The following MUC5B variants were observed in gnomAD, a reference collection of about 807,000 sequenced individuals.
MUC5B encodes mucin-5B.
A neutral mutation model predicts 376.9 loss-of-function variants in MUC5B; 116 were observed. That is an observed-to-expected ratio of 0.31 (90% CI 0.26 to 0.36). The LOEUF is 0.36. Ranked by LOEUF, MUC5B falls within the 10% of genes least tolerant of loss-of-function variation. MUC5B has a pLI of 1.00. For missense variants in MUC5B, 7,165 were observed against 7,769.9 expected, an observed-to-expected ratio of 0.92 and a Z score of 2.93; for synonymous variants, 3,517 against 3,390.9, an observed-to-expected ratio of 1.04 and a Z score of -1.29.
In MUC5B at chr11:1,229,831, C is replaced by T. The variant is rs537162886; in HGVS notation, c.1220+24C>T. The stretch of plus-strand genomic sequence containing the variant: ...TGGTACTTATGAGCCCACCAGCCTC[C>T]GCCTGGGGTGGGGTGTGGAGCTCCT... On this transcript the variant is annotated intron_variant, in intron 10 of 48. Transcript: ENST00000529681. 303 of 1,570,664 alleles carry T rather than the reference C, an allele frequency of 1.9e-4. 2 individuals are homozygous for T. Among genetic ancestry groups the T allele is most frequent in the South Asian group, 1.2e-3 (101 of 86,352 alleles).
chr11:1,233,931 C>T, intron 19 of MUC5B, 83 bp downstream of exon 19: 1 of 1,381,698 alleles, frequency 7.2e-7, no homozygotes, highest in Non-Finnish European at 1.0e-6. Context: ...CCCACCCTGC[C>T]CCACCCCACC....
Position 1,255,374 on chromosome 11 carries a change from G to A in MUC5B, c.15891-9G>A. 2.5e-6 allele frequency: 4 copies of A among 1,584,828 alleles called. No individual in the cohort carries two copies. Among genetic ancestry groups the A allele is most frequent in the Non-Finnish European group, 3.4e-6 (4 of 1,162,372 alleles). On this transcript the variant is annotated splice_polypyrimidine_tract_variant and intron_variant, in intron 36 of 48. Transcript: ENST00000529681. The stretch of plus-strand genomic sequence containing the variant: ...GGGGGCCCTCCGTCCTGATCGCTTT[G>A]CCCCACAGGGTCTTTGCTGAGTGCC...
Position 1,258,444 on chromosome 11 carries a change from C to T in MUC5B, c.16593+77C>T. 1.3e-6 allele frequency: 2 copies of T among 1,532,706 alleles called. No individual in the cohort carries two copies. Among genetic ancestry groups the T allele is most frequent in the Non-Finnish European group, 8.9e-7 (1 of 1,125,812 alleles). The allele number at this position is 1,532,706 out of a possible 1,614,324, so 94.9% of individuals were successfully genotyped here. ...GGGATGCCCCGGGGCTCTCTGAGCC[C>T]CACTCCTTGTCTTGACATTCCTGCC... On this transcript the variant is annotated intron_variant, in intron 43 of 48. Coordinates refer to ENST00000529681, the MANE Select transcript of MUC5B (RefSeq NM_002458.3). The surrounding 1 kb of genome is among the most constrained non-coding windows in gnomAD (Gnocchi z 5.5).
rs376283990 is a variant in MUC5B at position 1,230,986 on chromosome 11, G to A, written c.1521G>A (p.Thr507=). ...GCGTGTTCCTCAACTCCATCTACAC[G>A]CAGCTGCCCCTGTCGGCAGGTATGT... ...DGGVFLNSIY[T]QLPLSAANIT... is the part of the protein sequence containing the mutation. Residue 507 remains threonine (T), a synonymous_variant, in exon 13 of 49, where the codon ACG becomes ACA. Transcript: ENST00000529681. 9 of 1,597,972 alleles carry A rather than the reference G, an allele frequency of 5.6e-6. No individual in the cohort carries two copies. Among genetic ancestry groups the A allele is most frequent in the East Asian group, 4.5e-5 (2 of 43,978 alleles).
intron 1 of MUC5B, among the ~76,000 whole-genome samples, chr11:1,224,437 G>A: frequency 6.7e-6 from 1 of 149,766 alleles, no homozygotes; most frequent in Non-Finnish European, 1.5e-5. Context: ...ATAACCAAGG[G>A]CAGTCAGCCT....
At chr11:1,227,894 G>C in intron 7 of MUC5B, 113 bp downstream of exon 7, 1 of 616,832 alleles carries the variant, frequency 1.6e-6, no homozygotes, top group Non-Finnish European at 2.9e-6. Context: ...TGCCATTGGA[G>C]GGAGGCCGGG....
At chr11:1,237,191 G>A (rs117200772) in intron 25 of MUC5B, 27 bp downstream of exon 25, 7 of 1,389,554 alleles carry the variant, frequency 5.0e-6, no homozygotes, top group African/African-American at 1.5e-5. Context: ...GGCAGGCAGG[G>A]TCTGGTGGGG....
rs1338716199 is a variant in MUC5B, at chr11:1,251,155, T to G, written c.14275T>G (p.Trp4759Gly). ...TACACCCATCCCCTCCTCCACCCTG[T>G]GGACCACGTGGACCGTCCCAGCACA... ...SFTPIPSSTL[W>G]TTWTVPAQTT... The change falls in exon 31 of 49, where the codon TGG (tryptophan) becomes GGG (glycine). Residue 4759 changes from tryptophan to glycine, a missense_variant. By Grantham distance (184) the Trp-to-Gly change is radical (BLOSUM62 -2). This residue lies in a region of MUC5B where 730 missense variants were observed against 592.7 expected (regional missense o/e 1.23). Coordinates refer to ENST00000529681, the MANE Select transcript of MUC5B (RefSeq NM_002458.3). 1.9e-6 allele frequency: 3 copies of G among 1,610,770 alleles called. No individual in the cohort carries two copies. Among genetic ancestry groups the G allele is most frequent in the South Asian group, 2.2e-5 (2 of 91,014 alleles).
At chr11:1,236,901 C>A in intron 24 of MUC5B, 24 bp from the exon 25 acceptor site, 1 of 1,413,020 alleles carries the variant, frequency 7.1e-7, no homozygotes, top group Non-Finnish European at 9.3e-7. Flanking sequence ...GCTCCAGGGC[C>A]CCACTCTCTC....
Position 1,231,428 on chromosome 11 carries a change from A to T in MUC5B, c.1546A>T (p.Ile516Phe), listed in dbSNP as rs367802328. 9.9e-6 allele frequency: 16 copies of T among 1,609,982 alleles called. No individual in the cohort carries two copies. In the African/African-American group the frequency reaches 1.2e-4, roughly 12 times the overall value. Residue 516 changes from isoleucine to phenylalanine, a missense_variant, in exon 14 of 49, where the codon ATC becomes TTC. Transcript: ENST00000529681. Reference protein sequence around the residue: ...YTQLPLSAANITLFTPSSFFI... With the variant: ...YTQLPLSAANFTLFTPSSFFI... ...CTCCCCCACACTCCCGGCAGCCAAC[A>T]TCACCCTGTTCACACCCTCGAGCTT...
intron 7 of MUC5B, 54 bp downstream of exon 7, chr11:1,227,835 G>C: frequency 7.4e-6 from 5 of 679,792 alleles, no homozygotes; most frequent in South Asian, 6.1e-5. Flanking sequence ...CAGGTCCAGG[G>C]GGAGCTGGGC....
rs1862299026 is a variant in MUC5B at position 1,242,043 on chromosome 11, A to G, written c.5163A>G (p.Thr1721=). ...AGCCACCCACGCTGGCCCCAACAAC[A>G]ATGGCAACCTCCAGAGCTCGCCCGA... The part of the protein sequence containing the change: ...PSQPPTLAPT[T]MATSRARPTG... The change falls in exon 31 of 49, where the codon ACA becomes ACG. Residue 1721 remains threonine, a synonymous_variant. Transcript: ENST00000529681. 6.3e-7 allele frequency: 1 copy of G among 1,593,304 alleles called. No homozygotes were observed. Among genetic ancestry groups the G allele is most frequent in the Non-Finnish European group, 8.5e-7 (1 of 1,170,680 alleles).
In MUC5B at chr11:1,235,179, G is replaced by C. The variant is rs80298911; in HGVS notation, c.2725G>C (p.Asp909His). The change falls in exon 22 of 49, where the codon GAT becomes CAT. Residue 909 changes from aspartate to histidine, a missense_variant. Asp to His is a moderately conservative substitution (Grantham distance 81, BLOSUM62 -1). Coordinates refer to ENST00000529681, the MANE Select transcript of MUC5B (RefSeq NM_002458.3). ...TGGCCACTTCATCACCTTTGATGGC[G>C]ATCGCTACAGCTTTGAAGGCAGCTG... is the stretch of plus-strand genomic sequence containing the variant. The part of the protein sequence containing the change: ...GDGHFITFDG[D>H]RYSFEGSCEY... The C allele has an allele frequency of 6.2e-7, 1 of 1,613,066 alleles. No individual in the cohort carries two copies. Among genetic ancestry groups the C allele is most frequent in the African/African-American group, 1.3e-5 (1 of 75,020 alleles).
At position 1,251,327 on chromosome 11, in the gene MUC5B, C is replaced by T. The variant is rs1590188874; in HGVS notation, c.14447C>T (p.Thr4816Ile). The change falls in exon 31 of 49, where the codon ACC (threonine) becomes ATC (isoleucine). Residue 4816 changes from threonine to isoleucine, a missense_variant. Physicochemically the swap from Thr to Ile is moderately conservative, Grantham distance 89. Transcript: ENST00000529681. ...ACACCCTCCTCCACTCTGGGGACGACCCGGATCCTCACTGAGCTGACCACA... is the reference window on the plus strand; with the variant it reads ...ACACCCTCCTCCACTCTGGGGACGATCCGGATCCTCACTGAGCTGACCACA... ...TATPSSTLGT[T>I]RILTELTTTA... 1.7e-5 allele frequency: 27 copies of T among 1,611,008 alleles called. No homozygotes were observed. The East Asian group carries it at 5.8e-4, about 35-fold the overall frequency.
Position 1,246,611 on chromosome 11 carries a change from C to A in MUC5B, c.9731C>A (p.Ser3244Tyr). The A allele has an allele frequency of 5.6e-6, 9 of 1,613,380 alleles. No homozygotes were observed. The highest frequency in any genetic ancestry group is 1.3e-5 in the African/African-American group (1 of 74,866). Residue 3244 changes from serine to tyrosine, a missense_variant, in exon 31 of 49, where the codon TCC (serine) becomes TAC (tyrosine). Around this residue, in one of 31 missense-constraint regions of MUC5B, gnomAD observed 939 missense variants for 770.6 expected, o/e 1.22. Transcript: ENST00000529681. The stretch of plus-strand genomic sequence containing the variant: ...AGCGTTACAGCCATCCCCTCTTCCT[C>A]CCTGGGCACCGCCTGGACCCGCCTA... Reference protein sequence around the residue: ...ATSVTAIPSSSLGTAWTRLSQ... With the variant: ...ATSVTAIPSSYLGTAWTRLSQ...
rs771011245 is a variant in MUC5B at position 1,238,892 on chromosome 11, G to A, written c.3319G>A (p.Glu1107Lys). 3.2e-6 allele frequency: 5 copies of A among 1,562,198 alleles called. No homozygotes were observed. The highest frequency in any genetic ancestry group is 1.2e-5 in the South Asian group (1 of 84,942). ...GCAGGTTGACTCCACCAAGTACTAC[G>A]AGGCCTGCGTGAACGACGCGTGTGC... ...RSQVDSTKYY[E>K]ACVNDACACD... The change falls in exon 26 of 49, where the codon GAG (glutamate) becomes AAG (lysine). Residue 1107 changes from glutamate (E) to lysine (K), a missense_variant. Glu to Lys is a moderately conservative substitution (Grantham distance 56, BLOSUM62 1). Transcript: ENST00000529681.
At position 1,244,371 on chromosome 11, in the gene MUC5B, C is replaced by G. The variant is rs748575312; in HGVS notation, c.7491C>G (p.Ser2497Arg). The G allele has an allele frequency of 6.3e-7, 1 of 1,594,908 alleles. No homozygotes were observed. ...TQATAGTPHV[S>R]TTATTPTVTS... ...CAACTGCTGGCACCCCACATGTGAGCACCACGGCCACGACACCCACAGTCA... is the reference window on the plus strand; with the variant it reads ...CAACTGCTGGCACCCCACATGTGAGGACCACGGCCACGACACCCACAGTCA... Residue 2497 changes from serine (S) to arginine (R), a missense_variant, in exon 31 of 49, where the codon AGC (serine) becomes AGG (arginine). Coordinates refer to ENST00000529681, the MANE Select transcript of MUC5B (RefSeq NM_002458.3).
rs1862298169 is a variant in MUC5B at position 1,242,019 on chromosome 11, G to A, written c.5139G>A (p.Gln1713=). The change falls in exon 31 of 49, where the codon CAG becomes CAA. Residue 1713 remains glutamine (Q), a synonymous_variant. Coordinates refer to ENST00000529681, the MANE Select transcript of MUC5B (RefSeq NM_002458.3). ...GCTTGGGCACATGGCGCCCCTCACA[G>A]CCACCCACGCTGGCCCCAACAACAA... ...TGSLGTWRPS[Q]PPTLAPTTMA... 8.2e-6 allele frequency: 13 copies of A among 1,585,926 alleles called. No homozygotes were observed. The highest frequency in any genetic ancestry group is 1.8e-5 in the Admixed American group (1 of 54,674).
Position 1,250,830 on chromosome 11 carries a change from A to G in MUC5B, c.13950A>G (p.Arg4650=), listed in dbSNP as rs534921093. ...SSIPGTTHTA[R]VLTTTTTTVA... is the part of the protein sequence containing the mutation. ...TCCCGGGGACCACCCACACCGCCAGAGTGCTGACCACCACCACCACAACTG... is the reference window on the plus strand; with the variant it reads ...TCCCGGGGACCACCCACACCGCCAGGGTGCTGACCACCACCACCACAACTG... Residue 4650 remains arginine, a synonymous_variant, in exon 31 of 49, where the codon AGA becomes AGG. Transcript: ENST00000529681. 8 of 1,612,732 alleles carry G rather than the reference A, an allele frequency of 5.0e-6. No individual in the cohort carries two copies. The highest frequency in any genetic ancestry group is 5.1e-6 in the Non-Finnish European group (6 of 1,179,350).
Sources: gnomAD v4.1 joint callset for allele counts (sites outside exome capture counted in the v4.1 genomes callset) on GRCh38, gnomAD v4.1.1 for gene constraint, gnomAD v4.1.1 regional missense constraint, Gnocchi (gnomAD v3.1) non-coding constraint, MANE v1.5 for transcripts, NCBI Gene and HGNC (gene_info 2026-07-23, HGNC 2026-07-21) for gene names.